The following SUGCT variants were observed in gnomAD, a reference collection of about 807,000 sequenced individuals.
The protein encoded by SUGCT is succinyl-CoA:glutarate-CoA transferase.
Under a neutral mutation model 55.0 loss-of-function variants are expected in SUGCT, and 41 were observed. That is an observed-to-expected ratio of 0.74 (90% CI 0.58 to 0.97). The LOEUF (loss-of-function observed/expected upper bound fraction) is 0.97, where lower values mean the gene tolerates loss of function less well. Among genes scored for constraint, SUGCT ranks in the 50% least tolerant of loss-of-function variants. SUGCT has a pLI of 0.00. For synonymous variants in SUGCT, 187 were observed against 200.4 expected (o/e 0.93, Z 0.56); for missense variants, 568 against 547.8 (o/e 1.04, Z -0.37).
intron 11 of SUGCT, among the ~76,000 whole-genome samples, chr7:40,467,464 G>T (rs774585265): frequency 6.6e-6 from 1 of 151,986 alleles, no homozygotes; most frequent in Non-Finnish European, 1.5e-5. Context: ...TACTCTTTTA[G>T]TTATTTAAAA....
chr7:41,023,913 G>A, the SUGCT span, among the ~76,000 whole-genome samples: 1 of 152,136 alleles, frequency 6.6e-6, no homozygotes, highest in African/African-American at 2.4e-5. Flanking sequence ...TTTTATGTCA[G>A]TGTGAATTGC....
chr7:40,370,535 G>A (rs1784242337), intron 9 of SUGCT, among the ~76,000 whole-genome samples: 1 of 151,298 alleles, frequency 6.6e-6, no homozygotes, highest in Admixed American at 6.6e-5. Flanking sequence ...TTCTTTTCAT[G>A]ATGCTTAGGA....
chr7:40,699,742 A>G (rs1475101299), intron 12 of SUGCT, among the ~76,000 whole-genome samples: 1 of 151,970 alleles, frequency 6.6e-6, no homozygotes, highest in Non-Finnish European at 1.5e-5. Flanking sequence ...GGTGGTGCAC[A>G]TCTGTAATCC....
At chr7:40,525,447 G>T (rs941792562) in intron 12 of SUGCT, among the ~76,000 whole-genome samples, 1 of 152,092 alleles carries the variant, frequency 6.6e-6, no homozygotes, top group African/African-American at 2.4e-5. Context: ...ACATTGTGAG[G>T]AAAGTGTCTG....
At chr7:40,894,059 G>GA in the SUGCT span, among the ~76,000 whole-genome samples, 10 of 146,370 alleles carry the variant, frequency 6.8e-5, no homozygotes, top group East Asian at 2.0e-4. Flanking sequence ...GTCTTAAGAA[G>GA]AAAAAAAAAA....
intron 13 of SUGCT, among the ~76,000 whole-genome samples, chr7:40,749,884 A>G (rs993107857): frequency 6.6e-6 from 1 of 152,196 alleles, no homozygotes; most frequent in Non-Finnish European, 1.5e-5. Flanking sequence ...ATGTAACTGG[A>G]GTCCGAGGAA....
the SUGCT span, among the ~76,000 whole-genome samples, chr7:40,949,721 C>T: frequency 7.2e-5 from 11 of 152,102 alleles, no homozygotes; most frequent in Middle Eastern, 3.2e-3. Flanking sequence ...AATCCTTTCC[C>T]CATTTCTTGT....
chr7:40,355,442 A>G (rs1797842045), intron 9 of SUGCT, among the ~76,000 whole-genome samples: 1 of 152,318 alleles, frequency 6.6e-6, no homozygotes, highest in South Asian at 2.1e-4. Flanking sequence ...TTAACCATAT[A>G]TGCTCCTTAG....
At chr7:40,721,251 G>T (rs1786320950) in intron 12 of SUGCT, among the ~76,000 whole-genome samples, 1 of 152,164 alleles carries the variant, frequency 6.6e-6, no homozygotes, top group South Asian at 2.1e-4. Flanking sequence ...AAATATCAAT[G>T]CTGGGAGGTA....
At chr7:40,422,262 T>A (rs997899128) in intron 9 of SUGCT, among the ~76,000 whole-genome samples, 2 of 152,118 alleles carry the variant, frequency 1.3e-5, no homozygotes, top group Non-Finnish European at 2.9e-5. Context: ...TAGAATAGGG[T>A]GTAATTAAAT....
chr7:40,910,718 C>T, the SUGCT span, among the ~76,000 whole-genome samples: 1 of 152,136 alleles, frequency 6.6e-6, no homozygotes, highest in Non-Finnish European at 1.5e-5. Context: ...ATAATGGTAA[C>T]CCCATGTTCC....
chr7:40,914,266 T>TTC, the SUGCT span, among the ~76,000 whole-genome samples: 1 of 139,770 alleles, frequency 7.2e-6, no homozygotes, highest in African/African-American at 3.0e-5. Context: ...ATTTATTTAT[T>TTC]TTTTTCTTTT....
At chr7:40,238,282 G>A (rs959463220) in intron 7 of SUGCT, among the ~76,000 whole-genome samples, 20 of 152,084 alleles carry the variant, frequency 1.3e-4, no homozygotes, top group African/African-American at 4.3e-4. Context: ...GATTCTGACA[G>A]TGAAATAATT....
chr7:40,633,553 G>A lies in SUGCT; in HGVS notation c.1090-115881G>A, dbSNP rs182952794. On this transcript the variant is annotated intron_variant, in intron 12 of 13. Coordinates refer to ENST00000335693, the MANE Select transcript of SUGCT (RefSeq NM_001193313.2). ...CACCTGCACTTTTAGCCAGGAAAGC[G>A]ATACCTTTTAGCAGGTGCTTGGTAC... is the stretch of plus-strand genomic sequence containing the variant. Among the ~76,000 whole-genome samples the A allele has an allele frequency of 6.8e-4, 104 of 152,280 alleles. 2 individuals are homozygous for A. In the East Asian group the frequency reaches 7.9e-3, roughly 12 times the overall value.
intron 12 of SUGCT, among the ~76,000 whole-genome samples, chr7:40,535,281 A>G (rs2151604083): frequency 6.6e-6 from 1 of 152,250 alleles, no homozygotes; most frequent in South Asian, 2.1e-4. Context: ...CATGATACTC[A>G]ATAGTTAGTT....
intron 12 of SUGCT, among the ~76,000 whole-genome samples, chr7:40,725,161 T>C (rs1048340603): frequency 6.6e-6 from 1 of 152,162 alleles, no homozygotes; most frequent in Non-Finnish European, 1.5e-5. Context: ...TTATAGAATG[T>C]AGAATTTTGC....
chr7:40,663,485 A>ATGTGTGTGTGTG (rs59033010), intron 12 of SUGCT, among the ~76,000 whole-genome samples: 3 of 135,064 alleles, frequency 2.2e-5, no homozygotes, highest in Admixed American at 7.5e-5. Flanking sequence ...TTTGTGGTGT[A>ATGTGTGTGTGTG]TGTGTGTGTG....
At chr7:41,008,532 C>T in the SUGCT span, among the ~76,000 whole-genome samples, 2 of 152,200 alleles carry the variant, frequency 1.3e-5, no homozygotes, top group South Asian at 4.1e-4. Context: ...CAAGTCAACA[C>T]TCATGCCTTG....
At chr7:40,767,675 C>G (rs1788875027) in intron 13 of SUGCT, among the ~76,000 whole-genome samples, 2 of 152,148 alleles carry the variant, frequency 1.3e-5, no homozygotes, top group South Asian at 4.1e-4. Context: ...AAAAGGTGCC[C>G]TGATAGGCAG....
Sources: allele counts gnomAD v4.1 joint callset (sites outside exome capture counted in the v4.1 genomes callset), GRCh38; gene constraint gnomAD v4.1.1; transcripts MANE v1.5; gene names NCBI Gene and HGNC (gene_info 2026-07-23, HGNC 2026-07-21).